The following S100Z variants were observed in gnomAD, a reference collection of about 807,000 sequenced individuals.
S100Z encodes the protein S100 calcium binding protein Z.
A neutral mutation model predicts 8.5 loss-of-function variants in S100Z; 11 were observed. The ratio of observed to expected loss-of-function variants is 1.30; its 90% CI spans 0.82 to 2.15. The LOEUF (loss-of-function observed/expected upper bound fraction) is 2.15, where lower values mean the gene tolerates loss of function less well. Ranked by LOEUF, S100Z falls within the 30% of genes most tolerant of loss-of-function variation. S100Z has a pLI of 0.00. For synonymous variants in S100Z, 34 were observed against 43.8 expected (o/e 0.78, Z 0.89); for missense variants, 126 against 117.9 (o/e 1.07, Z -0.32).
intron 1 of S100Z, among the ~76,000 whole-genome samples, chr5:76,868,605 T>G (rs1742874681): frequency 6.7e-6 from 1 of 150,356 alleles, no homozygotes. Context: ...AAATAATATT[T>G]TATTCCAAAT....
chr5:76,934,928 C>T, the S100Z span, among the ~76,000 whole-genome samples: 9 of 152,280 alleles, frequency 5.9e-5, no homozygotes, highest in Admixed American at 2.0e-4. Context: ...ATTTCCAACG[C>T]ATCCACCCTA....
At chr5:76,857,256 C>T (rs1335454728) in intron 1 of S100Z, among the ~76,000 whole-genome samples, 2 of 152,018 alleles carry the variant, frequency 1.3e-5, no homozygotes, top group Non-Finnish European at 2.9e-5. Context: ...TGCGCCACTG[C>T]ACTCCAGCCT....
the S100Z span, among the ~76,000 whole-genome samples, chr5:76,943,233 G>A: frequency 2.2e-4 from 33 of 152,208 alleles, no homozygotes; most frequent in African/African-American, 7.2e-4. Context: ...AAACAGCTAG[G>A]GCTCCAGGGC....
At chr5:76,874,706 T>A (rs181858391) in intron 2 of S100Z, among the ~76,000 whole-genome samples, 1 of 152,306 alleles carries the variant, frequency 6.6e-6, no homozygotes, top group East Asian at 1.9e-4. Flanking sequence ...TATTTATTTT[T>A]AAATTCTATA....
At chr5:76,863,825 A>G (rs535400946) in intron 1 of S100Z, among the ~76,000 whole-genome samples, 3 of 152,360 alleles carry the variant, frequency 2.0e-5, no homozygotes, top group East Asian at 3.9e-4. Flanking sequence ...GGTGTGAGCC[A>G]CTGCGCCCGG....
chr5:76,934,476 C>T, the S100Z span, among the ~76,000 whole-genome samples: 1 of 152,192 alleles, frequency 6.6e-6, no homozygotes. Flanking sequence ...TATGGTTTGA[C>T]TAATAGTGTC....
intron 4 of S100Z, among the ~76,000 whole-genome samples, chr5:76,918,314 C>T (rs1744922971): frequency 6.6e-6 from 1 of 152,166 alleles, no homozygotes; most frequent in Non-Finnish European, 1.5e-5. Context: ...TCAAGTGATC[C>T]TCCCACCTCA....
At chr5:76,882,834 G>T (rs1024204765) in intron 4 of S100Z, among the ~76,000 whole-genome samples, 1 of 152,102 alleles carries the variant, frequency 6.6e-6, no homozygotes, top group Non-Finnish European at 1.5e-5. Context: ...AGGATGAAGG[G>T]TGCAAGGAAT....
At chr5:76,943,102 T>G in the S100Z span, among the ~76,000 whole-genome samples, 1 of 151,528 alleles carries the variant, frequency 6.6e-6, no homozygotes, top group Non-Finnish European at 1.5e-5. Flanking sequence ...AGTGGGGGGG[T>G]TCTGTCTTGG....
intron 1 of S100Z, among the ~76,000 whole-genome samples, chr5:76,869,060 TG>T (rs1360652824): frequency 1.3e-5 from 2 of 152,206 alleles, no homozygotes; most frequent in African/African-American, 2.4e-5. Context: ...GGCCAACTCT[TG>T]GGGAATCTTA....
chr5:76,932,798 CAAAAT>C, the S100Z span, among the ~76,000 whole-genome samples: 3 of 152,062 alleles, frequency 2.0e-5, no homozygotes, highest in South Asian at 2.1e-4. Flanking sequence ...AAAATAAAAA[CAAAAT>C]AAAGCTAGAC....
chr5:76,862,644 T>C (rs988780134), intron 1 of S100Z, among the ~76,000 whole-genome samples: 8 of 151,520 alleles, frequency 5.3e-5, no homozygotes, highest in Non-Finnish European at 1.2e-4. Context: ...ACTATAAATA[T>C]AAAAAAAATT....
intron 1 of S100Z, among the ~76,000 whole-genome samples, chr5:76,857,283 T>C (rs1470291804): frequency 1.3e-5 from 2 of 151,644 alleles, no homozygotes; most frequent in Non-Finnish European, 2.9e-5. Context: ...CAGGCAAGAC[T>C]CCATCTCAAA....
the S100Z span, among the ~76,000 whole-genome samples, chr5:76,935,647 ATGT>A: frequency 6.6e-6 from 1 of 151,896 alleles, no homozygotes; most frequent in African/African-American, 2.4e-5. Context: ...CTGATACTAG[ATGT>A]GGTACTGCCT....
At chr5:76,886,220 C>G (rs149083629) in intron 4 of S100Z, among the ~76,000 whole-genome samples, 106 of 152,288 alleles carry the variant, frequency 7.0e-4, no homozygotes, top group African/African-American at 2.3e-3. Context: ...GGCAGGCGAC[C>G]TGCAATGATT....
the S100Z span, among the ~76,000 whole-genome samples, chr5:76,943,696 T>C: frequency 5.9e-5 from 9 of 152,228 alleles, no homozygotes; most frequent in African/African-American, 2.2e-4. Flanking sequence ...ACTCCTCAAA[T>C]TACCCAATTT....
intron 4 of S100Z, among the ~76,000 whole-genome samples, chr5:76,898,941 T>C (rs956158763): frequency 2.1e-5 from 3 of 143,664 alleles, no homozygotes; most frequent in African/African-American, 7.7e-5. Flanking sequence ...TTCTTTTTTT[T>C]TTTTTTTTTT....
downstream of S100Z, among the ~76,000 whole-genome samples, chr5:76,922,463 C>T (rs1745064683): frequency 6.6e-6 from 1 of 152,188 alleles, no homozygotes; most frequent in Non-Finnish European, 1.5e-5. Context: ...CCCATAATGT[C>T]TCCCTCCCAC....
downstream of S100Z, among the ~76,000 whole-genome samples, chr5:76,922,170 C>T (rs990620284): frequency 5.3e-5 from 8 of 152,126 alleles, no homozygotes; most frequent in Admixed American, 3.3e-4. Context: ...GTCTCCACCC[C>T]CTCCCAAGCA....
Sources: gnomAD v4.1 joint callset for allele counts (sites outside exome capture counted in the v4.1 genomes callset) on GRCh38, gnomAD v4.1.1 for gene constraint, MANE v1.5 for transcripts, NCBI Gene and HGNC (gene_info 2026-07-23, HGNC 2026-07-21) for gene names.